NALF1: variants seen among roughly 807,000 people sequenced by gnomAD.
NALF1 encodes the protein family with sequence similarity 155 member A.
A neutral mutation model predicts 48.4 loss-of-function variants in NALF1; 3 were observed. The ratio of observed to expected loss-of-function variants is 0.06; its 90% CI spans 0.03 to 0.16. The LOEUF is 0.16. Ranked by LOEUF, NALF1 falls within the 10% of genes least tolerant of loss-of-function variation. NALF1 has a pLI of 1.00. For synonymous variants in NALF1, 262 were observed against 245.7 expected (o/e 1.07, Z -0.62); for missense variants, 526 against 571.5 (o/e 0.92, Z 0.81).
rs555546779 is a variant in NALF1, at chr13:107,669,049, C to CATAATA, written c.915+196627_915+196632dup. Among the ~76,000 whole-genome samples the CATAATA allele has an allele frequency of 1.1e-4, 17 of 152,184 alleles. No individual in the cohort carries two copies. In the East Asian group the frequency reaches 3.3e-3, roughly 29 times the overall value. The stretch of plus-strand genomic sequence containing the variant: ...TATACACTTTTGCAAAACTTAATTA[C>CATAATA]ATAATACTGATATTAAGCTTTTTGT... On this transcript the variant is annotated intron_variant, in intron 1 of 2. Transcript: ENST00000375915.
chr13:107,566,517 C>T (rs11619828), intron 1 of NALF1, among the ~76,000 whole-genome samples: 27,421 of 152,036 alleles, frequency 0.18, 2,652 homozygotes, highest in South Asian at 0.28. Flanking sequence ...AAGCAGCCAA[C>T]GTGATCCAAC....
intron 1 of NALF1, among the ~76,000 whole-genome samples, chr13:107,818,318 TTCTC>T (rs1335291974): frequency 1.3e-5 from 2 of 152,166 alleles, no homozygotes; most frequent in East Asian, 1.9e-4. Context: ...GAGAGCCAAG[TTCTC>T]TCTGAGTGCC....
At chr13:107,186,662 G>A (rs913695477) in intron 2 of NALF1, among the ~76,000 whole-genome samples, 3 of 152,134 alleles carry the variant, frequency 2.0e-5, no homozygotes, top group African/African-American at 7.2e-5. Flanking sequence ...CACCATGCCC[G>A]GCCCATTTGC....
intron 1 of NALF1, among the ~76,000 whole-genome samples, chr13:107,675,897 G>A (rs1881108401): frequency 6.6e-6 from 1 of 152,128 alleles, no homozygotes; most frequent in African/African-American, 2.4e-5. Context: ...TGAAGGTATG[G>A]AGGAAGGTAA....
At chr13:107,217,733 A>C (rs1879904323) in intron 1 of NALF1, among the ~76,000 whole-genome samples, 1 of 152,074 alleles carries the variant, frequency 6.6e-6, no homozygotes, top group South Asian at 2.1e-4. Flanking sequence ...TGCTTCCTCA[A>C]TAGCTCTATG....
chr13:107,606,535 T>G (rs1879075788), intron 1 of NALF1, among the ~76,000 whole-genome samples: 1 of 151,866 alleles, frequency 6.6e-6, no homozygotes, highest in South Asian at 2.1e-4. Context: ...CCAGCTAATT[T>G]TTGTATTTTT....
At chr13:107,326,711 TG>T (rs1882372072) in intron 1 of NALF1, among the ~76,000 whole-genome samples, 1 of 152,232 alleles carries the variant, frequency 6.6e-6, no homozygotes, top group Admixed American at 6.5e-5. Context: ...CTTTAGACCC[TG>T]CAGGGACAGA....
intron 1 of NALF1, among the ~76,000 whole-genome samples, chr13:107,771,774 A>G (rs575766015): frequency 4.6e-5 from 7 of 152,202 alleles, no homozygotes; most frequent in Admixed American, 4.6e-4. Context: ...GTCTCGCTCT[A>G]TCGCCAGGCT....
intron 1 of NALF1, among the ~76,000 whole-genome samples, chr13:107,775,839 A>G (rs1378835895): frequency 6.6e-6 from 1 of 152,246 alleles, no homozygotes; most frequent in African/African-American, 2.4e-5. Flanking sequence ...AGATAAGGCA[A>G]CTGAGGTTTG....
chr13:107,794,679 C>G (rs1004433389), intron 1 of NALF1, among the ~76,000 whole-genome samples: 6 of 151,028 alleles, frequency 4.0e-5, no homozygotes, highest in Admixed American at 2.0e-4. Context: ...CCATTTCCTA[C>G]CTATAGGACA....
In NALF1 at chr13:107,636,013, G is replaced by C. The variant is rs150627219; in HGVS notation, c.915+229669C>G. 8.0e-4 allele frequency among the ~76,000 whole-genome samples: 122 copies of C among 152,210 alleles called. 1 individual carries two copies. The highest frequency in any genetic ancestry group is 2.4e-3 in the African/African-American group (101 of 41,542). On this transcript the variant is annotated intron_variant, in intron 1 of 2. Transcript: ENST00000375915. Reference sequence around the variant, plus strand: ...AAGTGAGAAAAGTATTTTATGGAAGGGAAAATAAATAGGGGAAGCTACCTA... The same window carrying C: ...AAGTGAGAAAAGTATTTTATGGAAGCGAAAATAAATAGGGGAAGCTACCTA...
At position 107,246,126 on chromosome 13, in the gene NALF1, G is replaced by A. The variant is rs188743715; in HGVS notation, c.916-35371C>T. On this transcript the variant is annotated intron_variant, in intron 1 of 2. Coordinates refer to ENST00000375915, the MANE Select transcript of NALF1 (RefSeq NM_001080396.3). ...AGCATTTTGCATATTCTTCATCTGT[G>A]TACTTTTGATTTAATTATAAGATAA... Among the ~76,000 whole-genome samples, 622 of 151,938 alleles carry A rather than the reference G, an allele frequency of 4.1e-3. 4 individuals carry two copies. The highest frequency in any genetic ancestry group is 6.5e-3 in the Non-Finnish European group (445 of 68,010).
intron 1 of NALF1, among the ~76,000 whole-genome samples, chr13:107,375,439 A>G (rs1883319689): frequency 6.6e-6 from 1 of 152,226 alleles, no homozygotes; most frequent in South Asian, 2.1e-4. Flanking sequence ...TAAAAAATGT[A>G]TATTAAACAA....
chr13:107,790,339 A>G (rs942166433), intron 1 of NALF1, among the ~76,000 whole-genome samples: 1 of 152,262 alleles, frequency 6.6e-6, no homozygotes, highest in Non-Finnish European at 1.5e-5. Flanking sequence ...ACTCTTAAAT[A>G]GGCAACAAAT....
At chr13:107,780,438 T>G (rs1877855800) in intron 1 of NALF1, among the ~76,000 whole-genome samples, 1 of 152,126 alleles carries the variant, frequency 6.6e-6, no homozygotes, top group Admixed American at 6.6e-5. Context: ...ATGATTAAAA[T>G]TATGGTTATT....
intron 1 of NALF1, among the ~76,000 whole-genome samples, chr13:107,383,171 A>G (rs912592494): frequency 2.0e-5 from 3 of 152,236 alleles, no homozygotes; most frequent in African/African-American, 7.2e-5. Flanking sequence ...GCTTCATAAA[A>G]GTGAATTTAC....
rs1010902762 is a variant in NALF1 at position 107,867,233 on chromosome 13, G to A, written c.-637C>T. 2.7e-5 allele frequency among the ~76,000 whole-genome samples: 4 copies of A among 150,506 alleles called. No homozygotes were observed. The highest frequency in any genetic ancestry group is 6.6e-5 in the Admixed American group (1 of 15,160). ...CTCCTGCTCCGCGCTGGCTCTCCCAGAGTCCGGAGCCTGGGCTGCCTCCGG... is the reference window on the plus strand; with the variant it reads ...CTCCTGCTCCGCGCTGGCTCTCCCAAAGTCCGGAGCCTGGGCTGCCTCCGG... On this transcript the variant is annotated 5_prime_UTR_variant, in exon 1 of 3. Transcript: ENST00000375915. This position sits in a 1 kb window ranked among gnomAD's most constrained non-coding sequence, Gnocchi z 4.4.
intron 1 of NALF1, among the ~76,000 whole-genome samples, chr13:107,221,438 G>A (rs1879991526): frequency 6.6e-6 from 1 of 152,074 alleles, no homozygotes; most frequent in South Asian, 2.1e-4. Flanking sequence ...AAATTAGCTG[G>A]GCGTGGCGGT....
intron 1 of NALF1, among the ~76,000 whole-genome samples, chr13:107,237,813 A>G (rs1225803556): frequency 6.6e-6 from 1 of 152,188 alleles, no homozygotes; most frequent in East Asian, 1.9e-4. Flanking sequence ...ATATGCATAT[A>G]TGTATATTGG....
Sources: allele counts gnomAD v4.1 joint callset (sites outside exome capture counted in the v4.1 genomes callset), GRCh38; gene constraint gnomAD v4.1.1; non-coding constraint Gnocchi (gnomAD v3.1); transcripts MANE v1.5; gene names NCBI Gene and HGNC (gene_info 2026-07-23, HGNC 2026-07-21).